SLC9A9: variants seen among roughly 807,000 people sequenced by gnomAD.
SLC9A9 encodes solute carrier family 9 member A9.
In SLC9A9, 62 loss-of-function variants were observed where a neutral mutation model predicts 77.8. That is an observed-to-expected ratio of 0.80 (90% CI 0.65 to 0.98). SLC9A9 has a LOEUF of 0.98. Ranked by LOEUF, SLC9A9 falls within the 50% of genes least tolerant of loss-of-function variation. SLC9A9 has a pLI of 0.00. For synonymous variants in SLC9A9, 320 were observed against 283.5 expected (o/e 1.13, Z -1.29); for missense variants, 775 against 774.9 (o/e 1.00, Z 0.00).
intron 4 of SLC9A9, among the ~76,000 whole-genome samples, chr3:143,696,279 G>T (rs57294218): frequency 0.43 from 64,975 of 151,970 alleles, 14,076 homozygotes; most frequent in South Asian, 0.6. Context: ...ATGGTTTTAG[G>T]TCTTATGTTT....
chr3:143,553,385 G>A (rs548165811), intron 8 of SLC9A9, among the ~76,000 whole-genome samples: 1 of 152,124 alleles, frequency 6.6e-6, no homozygotes, highest in African/African-American at 2.4e-5. Flanking sequence ...GCATAGAGGA[G>A]GGCTTTGGGA....
At chr3:143,275,769 C>T (rs188823732) in intron 14 of SLC9A9, among the ~76,000 whole-genome samples, 278 of 152,038 alleles carry the variant, frequency 1.8e-3, no homozygotes, top group African/African-American at 4.5e-3. Context: ...CATGTCTTTC[C>T]GGCATGTTTT....
chr3:143,812,753 G>C (rs181225873), intron 2 of SLC9A9, among the ~76,000 whole-genome samples: 2 of 152,248 alleles, frequency 1.3e-5, no homozygotes, highest in African/African-American at 2.4e-5. Context: ...AATCCCTAGA[G>C]ACTAACAGAG....
intron 12 of SLC9A9, among the ~76,000 whole-genome samples, chr3:143,391,406 A>G (rs572027350): frequency 6.6e-6 from 1 of 152,354 alleles, no homozygotes; most frequent in African/African-American, 2.4e-5. Context: ...TGTTAGAAGG[A>G]AAACTAAAAA....
chr3:143,611,060 G>T (rs2038015030), intron 6 of SLC9A9, among the ~76,000 whole-genome samples: 1 of 152,124 alleles, frequency 6.6e-6, no homozygotes, highest in Non-Finnish European at 1.5e-5. Flanking sequence ...ATTTTCAGAG[G>T]CAAGAGAAGA....
At chr3:143,569,967 G>T (rs1394123935) in intron 8 of SLC9A9, among the ~76,000 whole-genome samples, 2 of 151,206 alleles carry the variant, frequency 1.3e-5, no homozygotes, top group African/African-American at 4.9e-5. Flanking sequence ...GTGCCACCAT[G>T]ACCAGATACT....
chr3:143,359,944 T>C (rs749551137), intron 14 of SLC9A9, among the ~76,000 whole-genome samples: 2 of 152,204 alleles, frequency 1.3e-5, no homozygotes, highest in Non-Finnish European at 2.9e-5. Flanking sequence ...TACCAATAAA[T>C]GTTCAAGATG....
chr3:143,301,796 G>A (rs1466975385), intron 14 of SLC9A9, among the ~76,000 whole-genome samples: 1 of 152,148 alleles, frequency 6.6e-6, no homozygotes, highest in Non-Finnish European at 1.5e-5. Flanking sequence ...TTCAGTTAGT[G>A]TCTTCCCAAC....
intron 12 of SLC9A9, among the ~76,000 whole-genome samples, chr3:143,438,593 C>T (rs929083383): frequency 2.7e-4 from 41 of 152,300 alleles, no homozygotes; most frequent in African/African-American, 9.6e-4. Flanking sequence ...GATGCCCTAT[C>T]CCATCCCAGA....
intron 4 of SLC9A9, among the ~76,000 whole-genome samples, chr3:143,722,214 C>T (rs1427232745): frequency 1.3e-5 from 2 of 152,142 alleles, no homozygotes; most frequent in African/African-American, 4.8e-5. Context: ...TGGCTCACGC[C>T]TGTAATCCCA....
chr3:143,826,311 C>T (rs1184797353), intron 2 of SLC9A9, among the ~76,000 whole-genome samples: 6 of 151,450 alleles, frequency 4.0e-5, no homozygotes. Flanking sequence ...TCCTACAAAT[C>T]AACTCCTTCT....
At chr3:143,723,527 T>A (rs1249780966) in intron 4 of SLC9A9, among the ~76,000 whole-genome samples, 3 of 152,134 alleles carry the variant, frequency 2.0e-5, no homozygotes, top group Non-Finnish European at 4.4e-5. Flanking sequence ...GATGACACAG[T>A]TTTTAGCCAG....
At chr3:143,751,745 A>G (rs1476373655) in intron 4 of SLC9A9, among the ~76,000 whole-genome samples, 1 of 152,210 alleles carries the variant, frequency 6.6e-6, no homozygotes, top group African/African-American at 2.4e-5. Context: ...AAATAGTATG[A>G]CACTACTCAA....
chr3:143,717,271 C>G (rs899761993), intron 4 of SLC9A9, among the ~76,000 whole-genome samples: 13 of 152,142 alleles, frequency 8.5e-5, no homozygotes, highest in Non-Finnish European at 1.9e-4. Context: ...CCCAGTGATA[C>G]CATGTTGCTG....
At chr3:143,677,444 T>G (rs1932920731) in intron 5 of SLC9A9, among the ~76,000 whole-genome samples, 1 of 152,160 alleles carries the variant, frequency 6.6e-6, no homozygotes, top group Non-Finnish European at 1.5e-5. Context: ...TCTATCATCT[T>G]AAAAATGTTG....
intron 8 of SLC9A9, among the ~76,000 whole-genome samples, chr3:143,555,541 G>A (rs2036965220): frequency 6.6e-6 from 1 of 152,140 alleles, no homozygotes; most frequent in Non-Finnish European, 1.5e-5. Flanking sequence ...ATTTACTCAA[G>A]GTCACCTCTA....
At chr3:143,612,947 A>T (rs903357504) in intron 6 of SLC9A9, among the ~76,000 whole-genome samples, 2 of 152,242 alleles carry the variant, frequency 1.3e-5, no homozygotes, top group African/African-American at 2.4e-5. Flanking sequence ...GTAGAAAGAT[A>T]TATATTAAAA....
At chr3:143,484,087 T>C (rs1208792015) in intron 11 of SLC9A9, among the ~76,000 whole-genome samples, 7 of 152,208 alleles carry the variant, frequency 4.6e-5, no homozygotes, top group African/African-American at 1.7e-4. Context: ...CAAAATGTTT[T>C]GAGCTATGTG....
intron 5 of SLC9A9, among the ~76,000 whole-genome samples, chr3:143,691,586 A>G (rs2108781261): frequency 6.6e-6 from 1 of 152,248 alleles, no homozygotes; most frequent in East Asian, 1.9e-4. Flanking sequence ...ACAAAACTAA[A>G]CAAACATCCC....
Sources: gnomAD v4.1 joint callset for allele counts (sites outside exome capture counted in the v4.1 genomes callset) on GRCh38, gnomAD v4.1.1 for gene constraint, MANE v1.5 for transcripts, NCBI Gene and HGNC (gene_info 2026-07-23, HGNC 2026-07-21) for gene names.